Variants in PHACTR3 observed in about 807,000 individuals in gnomAD.
PHACTR3 encodes the protein phosphatase and actin regulator 3, also known as protein phosphatase 1, regulatory subunit 123.
PHACTR3 carries 16 observed loss-of-function variants against 66.8 expected under a neutral mutation model. That is an observed-to-expected ratio of 0.24 (90% CI 0.16 to 0.36). PHACTR3 has a LOEUF of 0.36. Ranked by LOEUF, PHACTR3 falls within the 10% of genes least tolerant of loss-of-function variation. The probability of loss-of-function intolerance (pLI) is 1.00; values close to 1 mark genes in which losing one functional copy is unlikely to be tolerated. For synonymous variants in PHACTR3, 323 were observed against 292.1 expected (o/e 1.11, Z -1.08); for missense variants, 647 against 719.9 (o/e 0.90, Z 1.16).
At chr20:59,733,780 G>A (rs754275295) in intron 1 of PHACTR3, among the ~76,000 whole-genome samples, 2 of 152,138 alleles carry the variant, frequency 1.3e-5, no homozygotes, top group Non-Finnish European at 2.9e-5. Context: ...TTCTTCGCTT[G>A]CTAGGGTCTT....
chr20:59,801,046 C>T (rs2146982781), intron 7 of PHACTR3, among the ~76,000 whole-genome samples: 1 of 152,338 alleles, frequency 6.6e-6, no homozygotes, highest in Non-Finnish European at 1.5e-5. Context: ...ATTCTTTCCT[C>T]AGAGTCACAT....
At position 59,645,574 on chromosome 20, in the gene PHACTR3, C is replaced by T. The variant is rs531101725; in HGVS notation, c.118+40442C>T. ...TCGTCCTGCTTGATTTGATTCTGAG[C>T]GTGCTCATCACCATCTGGACATATG... On this transcript the variant is annotated intron_variant, in intron 1 of 12. Transcript: ENST00000371015. 1.9e-3 allele frequency among the ~76,000 whole-genome samples: 290 copies of T among 152,190 alleles called. 1 individual carries two copies. Among genetic ancestry groups the T allele is most frequent in the African/African-American group, 6.7e-3 (278 of 41,520 alleles).
At chr20:59,577,905 C>T (rs535132264) in intron 1 of PHACTR3, among the ~76,000 whole-genome samples, 14 of 152,382 alleles carry the variant, frequency 9.2e-5, no homozygotes, top group African/African-American at 3.1e-4. Flanking sequence ...TTTGGAATTC[C>T]CCTCTGCCCG....
chr20:59,701,560 C>G (rs1226268691), intron 1 of PHACTR3, among the ~76,000 whole-genome samples: 1 of 152,174 alleles, frequency 6.6e-6, no homozygotes, highest in Non-Finnish European at 1.5e-5. Flanking sequence ...ACCAGCAACT[C>G]TTTTTAAAAA....
chr20:59,819,479 T>G (rs2041971601), intron 8 of PHACTR3, among the ~76,000 whole-genome samples: 1 of 149,354 alleles, frequency 6.7e-6, no homozygotes, highest in African/African-American at 2.5e-5. Flanking sequence ...GAGGCTGCAG[T>G]GAACTATGAT....
chr20:59,821,928 A>G (rs1357632354), intron 8 of PHACTR3, among the ~76,000 whole-genome samples: 2 of 147,812 alleles, frequency 1.4e-5, no homozygotes, highest in African/African-American at 5.2e-5. Flanking sequence ...GCTGAGAGTG[A>G]TGTGGACAAA....
intron 1 of PHACTR3, among the ~76,000 whole-genome samples, chr20:59,705,285 A>T (rs947754653): frequency 6.6e-6 from 1 of 152,182 alleles, no homozygotes; most frequent in Non-Finnish European, 1.5e-5. Flanking sequence ...AAGTCAATAT[A>T]ATTCTAAGTT....
intron 1 of PHACTR3, among the ~76,000 whole-genome samples, chr20:59,680,854 T>C (rs1033782668): frequency 6.6e-6 from 1 of 152,154 alleles, no homozygotes; most frequent in African/African-American, 2.4e-5. Context: ...TCAGATGTTG[T>C]GGTAGATAGG....
chr20:59,764,636 G>A (rs751494189), intron 4 of PHACTR3, among the ~76,000 whole-genome samples: 4 of 152,254 alleles, frequency 2.6e-5, no homozygotes, highest in Admixed American at 1.3e-4. Context: ...AATTGAGGCC[G>A]GGTGAGCCAG....
At chr20:59,713,261 C>T (rs899013112) in intron 1 of PHACTR3, among the ~76,000 whole-genome samples, 1 of 152,220 alleles carries the variant, frequency 6.6e-6, no homozygotes. Flanking sequence ...TAAGTCGATT[C>T]CTGGACATAT....
intron 1 of PHACTR3, among the ~76,000 whole-genome samples, chr20:59,608,458 G>A (rs2033737660): frequency 2.6e-5 from 4 of 152,224 alleles, no homozygotes; most frequent in Admixed American, 2.6e-4. Context: ...TCCTCCTTCA[G>A]AGGAGCTCAT....
intron 1 of PHACTR3, among the ~76,000 whole-genome samples, chr20:59,681,329 G>T (rs995069051): frequency 6.6e-6 from 1 of 152,180 alleles, no homozygotes; most frequent in African/African-American, 2.4e-5. Context: ...GTTAAGGGTT[G>T]TGGAGTCTAG....
intron 1 of PHACTR3, among the ~76,000 whole-genome samples, chr20:59,621,527 T>C (rs780619845): frequency 6.6e-6 from 1 of 152,248 alleles, no homozygotes; most frequent in Non-Finnish European, 1.5e-5. Context: ...ATATTTCTGG[T>C]CCATGATAAG....
At chr20:59,732,717 T>C (rs1403238297) in intron 1 of PHACTR3, among the ~76,000 whole-genome samples, 1 of 152,176 alleles carries the variant, frequency 6.6e-6, no homozygotes, top group Non-Finnish European at 1.5e-5. Context: ...AGGCCATTGT[T>C]AAAAACCATT....
intron 2 of PHACTR3, among the ~76,000 whole-genome samples, chr20:59,743,836 T>C (rs1475518607): frequency 6.6e-6 from 1 of 152,160 alleles, no homozygotes; most frequent in Non-Finnish European, 1.5e-5. Flanking sequence ...AGACAGAGGC[T>C]GCTCCCCTGC....
At chr20:59,683,631 C>T (rs530976713) in intron 1 of PHACTR3, among the ~76,000 whole-genome samples, 8 of 152,210 alleles carry the variant, frequency 5.3e-5, no homozygotes, top group African/African-American at 1.9e-4. Flanking sequence ...TCAAGTTAGG[C>T]ATAGTCTCTC....
chr20:59,821,666 A>G (rs1297988756), intron 8 of PHACTR3, among the ~76,000 whole-genome samples: 1 of 152,212 alleles, frequency 6.6e-6, no homozygotes, highest in Non-Finnish European at 1.5e-5. Flanking sequence ...GTTACATTAA[A>G]GGAAGAAAAG....
At chr20:59,743,368 A>T in intron 2 of PHACTR3, 100 bp downstream of exon 2, 2 of 1,409,576 alleles carry the variant, frequency 1.4e-6, no homozygotes, top group Non-Finnish European at 1.9e-6. Flanking sequence ...TGGCCCCTAC[A>T]CAGGAGGGGC....
At chr20:59,720,176 C>T (rs1054506659) in intron 1 of PHACTR3, among the ~76,000 whole-genome samples, 18 of 152,194 alleles carry the variant, frequency 1.2e-4, no homozygotes, top group African/African-American at 3.9e-4. Context: ...TAACATCTCT[C>T]GAGCAGGCTA....
Sources: gnomAD v4.1 joint callset for allele counts (sites outside exome capture counted in the v4.1 genomes callset) on GRCh38, gnomAD v4.1.1 for gene constraint, MANE v1.5 for transcripts, NCBI Gene and HGNC (gene_info 2026-07-23, HGNC 2026-07-21) for gene names.